SHC2: variants seen among roughly 807,000 people sequenced by gnomAD.
The protein encoded by SHC2 is SHC adaptor protein 2, also known as SHC-transforming protein 2.
A neutral mutation model predicts 60.6 loss-of-function variants in SHC2; 62 were observed. That is an observed-to-expected ratio of 1.02 (90% confidence interval 0.83 to 1.26). The LOEUF (loss-of-function observed/expected upper bound fraction) is 1.26. SHC2 is among the 50% of genes most tolerant of loss of function. The pLI, the probability that SHC2 is intolerant of heterozygous loss-of-function variation, is 0.00. For missense variants in SHC2, 873 were observed against 822.2 expected, an observed-to-expected ratio of 1.06 and a Z score of -0.76; for synonymous variants, 375 against 372.4, an observed-to-expected ratio of 1.01 and a Z score of -0.08.
chr19:427,882 G>A (rs991931564), intron 9 of SHC2, among the ~76,000 whole-genome samples: 12 of 133,384 alleles, frequency 9.0e-5, no homozygotes, highest in African/African-American at 3.4e-4. Context: ...GCACAGAGAA[G>A]GGGGAACTGC....
intron 2 of SHC2, among the ~76,000 whole-genome samples, chr19:439,829 C>T (rs573979261): frequency 9.3e-4 from 142 of 151,994 alleles, no homozygotes; most frequent in Middle Eastern, 3.4e-3. Context: ...GGTTCGAGAC[C>T]GGTCTGACCA....
At chr19:427,785 G>A (rs1264348107) in intron 9 of SHC2, among the ~76,000 whole-genome samples, 1 of 102,578 alleles carries the variant, frequency 9.7e-6, no homozygotes, top group Non-Finnish European at 2.0e-5. Flanking sequence ...CAGGTAAGGG[G>A]ACAGGGGACG....
chr19:421,699 A>G lies in SHC2; in HGVS notation c.1620+447T>C, dbSNP rs1008799588. On this transcript the variant is annotated intron_variant, in intron 11 of 12. Transcript: ENST00000264554. ...ACTGGGAGGCCAAGGCAGGAGGATC[A>G]CTTGAGGCCAGGAGCTGGGGACCAG... Among the ~76,000 whole-genome samples the G allele has an allele frequency of 2.6e-5, 4 of 152,156 alleles. No homozygotes were observed. The East Asian group carries it at 7.7e-4, about 29-fold the overall frequency.
rs1974346745 is a variant in SHC2 at position 424,025 on chromosome 19, G to A, written c.1309+1072C>T. Among the ~76,000 whole-genome samples, 2 of 152,200 alleles carry A rather than the reference G, an allele frequency of 1.3e-5. No homozygotes were observed. The highest frequency in any genetic ancestry group is 1.5e-5 in the Non-Finnish European group (1 of 68,044). On this transcript the variant is annotated intron_variant, in intron 10 of 12. Coordinates refer to ENST00000264554, the MANE Select transcript of SHC2 (RefSeq NM_012435.3). This position sits in a 1 kb window ranked among gnomAD's most constrained non-coding sequence, Gnocchi z 4.5. ...AGGTGCTAGATGGTGTCATTATTGT[G>A]AAGCTGAGGAGAAGCTGCTTTGTCA...
At chr19:427,910 G>A (rs1314206559) in intron 9 of SHC2, among the ~76,000 whole-genome samples, 1 of 151,438 alleles carries the variant, frequency 6.6e-6, no homozygotes, top group East Asian at 2.0e-4. Context: ...GCAGGGAAGG[G>A]GGAACTGCAC....
In SHC2 at chr19:441,553, C is replaced by A. The variant is rs886654108; in HGVS notation, c.469-621G>T. On this transcript the variant is annotated intron_variant, in intron 1 of 12. Transcript: ENST00000264554. This position sits in a 1 kb window ranked among gnomAD's most constrained non-coding sequence, Gnocchi z 4.9. ...GGGAACAGGGCCAGGAGGCGAAGGC[C>A]ACAGCGTCCTTCCAACGTTGGCCCT... Among the ~76,000 whole-genome samples the A allele has an allele frequency of 6.6e-6, 1 of 152,020 alleles. No homozygotes were observed. Among genetic ancestry groups the A allele is most frequent in the Non-Finnish European group, 1.5e-5 (1 of 68,024 alleles).
intron 12 of SHC2, among the ~76,000 whole-genome samples, chr19:418,048 C>A (rs1974192709): frequency 6.6e-6 from 1 of 152,170 alleles, no homozygotes; most frequent in Non-Finnish European, 1.5e-5. Flanking sequence ...CTGCCCCAAC[C>A]TCACCCCAGA....
chr19:450,300 G>A (rs181394166), intron 1 of SHC2, among the ~76,000 whole-genome samples: 17 of 152,214 alleles, frequency 1.1e-4, no homozygotes, highest in African/African-American at 2.4e-5. Flanking sequence ...GGCCCATGAC[G>A]CAAGAGAGTG....
intron 1 of SHC2, among the ~76,000 whole-genome samples, chr19:442,711 CTGGATGGATGGGTGGG>C (rs1974918902): frequency 7.9e-5 from 1 of 12,638 alleles, no homozygotes; most frequent in Non-Finnish European, 1.3e-4. Flanking sequence ...GGACGGATGG[CTGGATGGATGGGTGGG>C]TGGATGGACG....
intron 7 of SHC2, among the ~76,000 whole-genome samples, chr19:435,446 C>T (rs558969472): frequency 2.0e-5 from 3 of 152,250 alleles, no homozygotes; most frequent in Admixed American, 6.5e-5. Flanking sequence ...GCATCAAGCA[C>T]GCTGTCCCCG....
intron 1 of SHC2, 129 bp downstream of exon 1, chr19:460,400 G>T (rs967787978): frequency 1.7e-5 from 6 of 358,930 alleles, no homozygotes; most frequent in Non-Finnish European, 2.3e-5. Flanking sequence ...ATGGGGGTCC[G>T]GGGTGGCGGG....
At chr19:418,786 G>A (rs1115033) in intron 12 of SHC2, 137 bp downstream of exon 12, 238,210 of 958,718 alleles carry the variant, frequency 0.25, 30,712 homozygotes, top group Middle Eastern at 0.35. Flanking sequence ...ATGGTTGCAC[G>A]GCTCGGATGC....
rs542476302 is a variant in SHC2, at chr19:429,482, C to T, written c.1174+1202G>A. Reference sequence around the variant, plus strand: ...CAGAAACCTAATACCGTGTGGATGACGCAGTACCTATACCCAACGTGCACG... The same window carrying T: ...CAGAAACCTAATACCGTGTGGATGATGCAGTACCTATACCCAACGTGCACG... On this transcript the variant is annotated intron_variant, in intron 9 of 12. Transcript: ENST00000264554. Among the ~76,000 whole-genome samples, 5 of 146,242 alleles carry T rather than the reference C, an allele frequency of 3.4e-5. No individual in the cohort carries two copies. The South Asian group carries it at 6.7e-4, about 20-fold the overall frequency.
At position 418,805 on chromosome 19, in the gene SHC2, CCT is replaced by C. The variant is rs149662808; in HGVS notation, c.*5+116_*5+117del. 5.3e-3 allele frequency: 6,259 copies of C among 1,179,536 alleles called. 217 individuals carry two copies. In the African/African-American group the frequency reaches 0.084, roughly 16 times the overall value. 73.1% of individuals were successfully genotyped at this position (1,179,536 alleles called of 1,614,324 possible). A position where few individuals can be genotyped will look rare whatever the true frequency, so the allele number is the denominator to read the frequency against. On this transcript the variant is annotated intron_variant, in intron 12 of 12. Transcript: ENST00000264554. The stretch of plus-strand genomic sequence containing the variant: ...TTGCACGGCTCGGATGCTGAACACC[CCT>C]GAGTCGTGCCCTCTAGAGGGAAAGG...
rs1366124533 is a variant in SHC2 at position 424,117 on chromosome 19, T to C, written c.1309+980A>G. Among the ~76,000 whole-genome samples the C allele has an allele frequency of 6.6e-6, 1 of 152,156 alleles. No individual in the cohort carries two copies. The highest frequency in any genetic ancestry group is 2.4e-5 in the African/African-American group (1 of 41,424). On this transcript the variant is annotated intron_variant, in intron 10 of 12. Coordinates refer to ENST00000264554, the MANE Select transcript of SHC2 (RefSeq NM_012435.3). This position sits in a 1 kb window ranked among gnomAD's most constrained non-coding sequence, Gnocchi z 4.5. ...GCATCCTGAGCTCAGGCAAGGACCC[T>C]ACCCGGCAGCTCAGAGCCAACACCT...
In SHC2 at chr19:440,602, G is replaced by A. The variant is rs766495789; in HGVS notation, c.539+260C>T. On this transcript the variant is annotated intron_variant, in intron 2 of 12. Coordinates refer to ENST00000264554, the MANE Select transcript of SHC2 (RefSeq NM_012435.3). This position sits in a 1 kb window ranked among gnomAD's most constrained non-coding sequence, Gnocchi z 7.0. ...GGCCCTGCACCCCACGCCGTGCGGG[G>A]ACTTGCCCAGCACCCTGTGAGCGAC... Among the ~76,000 whole-genome samples, 14 of 152,210 alleles carry A rather than the reference G, an allele frequency of 9.2e-5. No homozygotes were observed. The highest frequency in any genetic ancestry group is 1.6e-4 in the Non-Finnish European group (11 of 68,040).
chr19:460,497 A>G, intron 1 of SHC2, 32 bp downstream of exon 1: 1 of 923,312 alleles, frequency 1.1e-6, no homozygotes, highest in Non-Finnish European at 1.3e-6. Context: ...GCCGCCGCGA[A>G]CGGGCTCCCG....
Position 429,991 on chromosome 19 carries a change from A to G in SHC2, c.1174+693T>C, listed in dbSNP as rs372907222. Among the ~76,000 whole-genome samples the G allele has an allele frequency of 7.1e-3, 982 of 138,914 alleles. 8 individuals are homozygous for G. The highest frequency in any genetic ancestry group is 0.022 in the African/African-American group (809 of 36,410). The allele number at this position is 138,914 out of a possible 152,430, so 91.1% of individuals were successfully genotyped here. A position where few individuals can be genotyped will look rare whatever the true frequency, so the allele number is the denominator to read the frequency against. On this transcript the variant is annotated intron_variant, in intron 9 of 12. Coordinates refer to ENST00000264554, the MANE Select transcript of SHC2 (RefSeq NM_012435.3). ...GGATGACGCAGTACCTATACCCAAC[A>G]TGCACGGAAACCTAACACCGTGTGG...
rs61749992 is a variant in SHC2 at position 441,226 on chromosome 19, C to T, written c.469-294G>A. The T allele has an allele frequency of 0.015, 14,320 of 938,122 alleles. 246 individuals are homozygous for T. The highest frequency in any genetic ancestry group is 0.1 in the East Asian group (838 of 8,154). 58.1% of individuals were successfully genotyped at this position (938,122 alleles called of 1,614,324 possible). On this transcript the variant is annotated intron_variant, in intron 1 of 12. Transcript: ENST00000264554. The surrounding 1 kb of genome is among the most constrained non-coding windows in gnomAD (Gnocchi z 4.9). ...GTTCATTTAACCGTCTTGCCCTCGT[C>T]GGTCTCTTTCTGTTCCACCAGCACC...
Sources: allele counts gnomAD v4.1 joint callset (sites outside exome capture counted in the v4.1 genomes callset), GRCh38; gene constraint gnomAD v4.1.1; non-coding constraint Gnocchi (gnomAD v3.1); transcripts MANE v1.5; gene names NCBI Gene and HGNC (gene_info 2026-07-23, HGNC 2026-07-21).